Variants in CSMD2 observed in about 807,000 individuals in gnomAD.
The protein encoded by CSMD2 is CUB and Sushi multiple domains 2, also known as CUB and sushi domain-containing protein 2.
Under a neutral mutation model 398.5 loss-of-function variants are expected in CSMD2, and 130 were observed. The ratio of observed to expected loss-of-function variants is 0.33; its 90% CI spans 0.28 to 0.38. The LOEUF (loss-of-function observed/expected upper bound fraction) is 0.38. Among genes scored for constraint, CSMD2 ranks in the 10% least tolerant of loss-of-function variants. CSMD2 has a pLI of 1.00. For synonymous variants in CSMD2, 1,828 were observed against 1,908.5 expected (o/e 0.96, Z 1.10); for missense variants, 3,829 against 4,764.9 (o/e 0.80, Z 5.78).
At position 33,821,163 on chromosome 1, in the gene CSMD2, C is replaced by T. The variant is rs377073419; in HGVS notation, c.1112-607G>A. On this transcript the variant is annotated intron_variant, in intron 7 of 70. Transcript: ENST00000373381. ...TCACCAGAGCATCCCCTACCCAGTGCCACCCATCAAGGGCACCGGGCAGAG... is the reference window on the plus strand; with the variant it reads ...TCACCAGAGCATCCCCTACCCAGTGTCACCCATCAAGGGCACCGGGCAGAG... Among the ~76,000 whole-genome samples, 8 of 152,294 alleles carry T rather than the reference C, an allele frequency of 5.3e-5. No individual in the cohort carries two copies. In the South Asian group the frequency reaches 8.3e-4, roughly 16 times the overall value.
chr1:34,066,966 C>A (rs779820803), intron 2 of CSMD2, among the ~76,000 whole-genome samples: 2 of 152,078 alleles, frequency 1.3e-5, no homozygotes, highest in Admixed American at 1.3e-4. Context: ...GGGACAGGAT[C>A]GATGGTATTG....
intron 6 of CSMD2, among the ~76,000 whole-genome samples, chr1:33,830,769 T>C (rs551877690): frequency 1.3e-5 from 2 of 152,042 alleles, no homozygotes; most frequent in African/African-American, 2.4e-5. Flanking sequence ...TTGAAAAAAA[T>C]TTAGAAGAAT....
At position 34,165,022 on chromosome 1, in the gene CSMD2, AAATCCCGGTTTCGCCGCGAGC is replaced by A. The variant is rs1239029367; in HGVS notation, c.55_75del (p.Ala19_Ile25del). 1.7e-5 allele frequency: 21 copies of A among 1,210,492 alleles called. No individual in the cohort carries two copies. The highest frequency in any genetic ancestry group is 2.2e-5 in the Non-Finnish European group (21 of 974,578). 75.0% of individuals were successfully genotyped at this position (1,210,492 alleles called of 1,614,324 possible). Reference sequence around the variant, plus strand: ...CTCCCGGCGCCCGGCACAAGCGCCGAAATCCCGGTTTCGCCGCGAGCCCTCCCCGCGGGGCAGCCGCAGCGC... The same window carrying A: ...CTCCCGGCGCCCGGCACAAGCGCCGACCTCCCCGCGGGGCAGCCGCAGCGC... On this transcript the variant is annotated inframe_deletion, in exon 1 of 71. Transcript: ENST00000373381.
intron 5 of CSMD2, among the ~76,000 whole-genome samples, chr1:33,856,816 C>T (rs1402646841): frequency 6.6e-6 from 1 of 151,912 alleles, no homozygotes; most frequent in African/African-American, 2.4e-5. Context: ...TCTAATCCTG[C>T]CTTCATTGTC....
At chr1:34,076,235 T>C (rs575668415) in intron 2 of CSMD2, among the ~76,000 whole-genome samples, 35 of 152,328 alleles carry the variant, frequency 2.3e-4, no homozygotes, top group African/African-American at 7.7e-4. Flanking sequence ...CAGTGAGAAG[T>C]TCCCATTTTG....
chr1:33,785,403 A>C (rs1397058315), intron 12 of CSMD2, among the ~76,000 whole-genome samples: 1 of 152,256 alleles, frequency 6.6e-6, no homozygotes, highest in African/African-American at 2.4e-5. Flanking sequence ...GGGAAAATCC[A>C]TGGGCTTCTG....
intron 3 of CSMD2, among the ~76,000 whole-genome samples, chr1:33,983,811 C>T (rs769237372): frequency 3.9e-5 from 6 of 152,158 alleles, no homozygotes; most frequent in Admixed American, 2.0e-4. Flanking sequence ...TGAACATTAA[C>T]ATCTCAGGGC....
chr1:33,829,485 C>T (rs1659227943), intron 6 of CSMD2, among the ~76,000 whole-genome samples: 1 of 152,196 alleles, frequency 6.6e-6, no homozygotes, highest in Non-Finnish European at 1.5e-5. Context: ...CGGTGTGCTG[C>T]ACCCATTAAC....
At position 34,163,616 on chromosome 1, in the gene CSMD2, C is replaced by T. The variant is rs927941105; in HGVS notation, c.187+1295G>A. ...GGGAACTGGGGTGGTCCAGGCCAAG[C>T]CTTCAGAGGTTCAATCGGTGGTTTC... On this transcript the variant is annotated intron_variant, in intron 1 of 70. Transcript: ENST00000373381. The surrounding 1 kb of genome is among the most constrained non-coding windows in gnomAD (Gnocchi z 5.4). Among the ~76,000 whole-genome samples the T allele has an allele frequency of 6.6e-6, 1 of 152,150 alleles. No homozygotes were observed. The highest frequency in any genetic ancestry group is 2.1e-4 in the South Asian group (1 of 4,820).
intron 3 of CSMD2, among the ~76,000 whole-genome samples, chr1:33,941,858 CA>C (rs1157062961): frequency 6.6e-6 from 1 of 151,630 alleles, no homozygotes; most frequent in Non-Finnish European, 1.5e-5. Context: ...TATAATTATA[CA>C]TTTTATATAT....
intron 2 of CSMD2, among the ~76,000 whole-genome samples, chr1:34,062,486 CGAGCTGGCAGT>C: frequency 6.6e-6 from 1 of 152,232 alleles, no homozygotes; most frequent in South Asian, 2.1e-4. Flanking sequence ...GACATGCATT[CGAGCTGGCAGT>C]GAAGACAGGG....
At chr1:33,619,058 A>G (rs2148864503) in intron 37 of CSMD2, among the ~76,000 whole-genome samples, 1 of 152,320 alleles carries the variant, frequency 6.6e-6, no homozygotes, top group South Asian at 2.1e-4. Flanking sequence ...GCAGGAGTCC[A>G]TGTACAGGTG....
At chr1:33,905,252 G>A (rs945666804) in intron 5 of CSMD2, among the ~76,000 whole-genome samples, 1 of 152,178 alleles carries the variant, frequency 6.6e-6, no homozygotes, top group Non-Finnish European at 1.5e-5. Flanking sequence ...GAGAATAAAA[G>A]AGAGGAGAGT....
rs766150682 is a variant in CSMD2 at position 33,533,366 on chromosome 1, C to T, written c.9992-137G>A. ...CCTTTCATGCCAAGCATCCCCCTCC[C>T]TAATCCTCCACCCTAACCCAAGCTC... On this transcript the variant is annotated intron_variant, in intron 63 of 70. Transcript: ENST00000373381. The surrounding 1 kb of genome is among the most constrained non-coding windows in gnomAD (Gnocchi z 4.2). 21 of 785,290 alleles carry T rather than the reference C, an allele frequency of 2.7e-5. No homozygotes were observed. Among genetic ancestry groups the T allele is most frequent in the Middle Eastern group, 2.9e-4 (1 of 3,432 alleles). The allele number at this position is 785,290 out of a possible 1,614,324, so 48.6% of individuals were successfully genotyped here. A position where few individuals can be genotyped will look rare whatever the true frequency, so the allele number is the denominator to read the frequency against.
chr1:33,751,008 C>G (rs1322280643), intron 13 of CSMD2, among the ~76,000 whole-genome samples: 1 of 151,968 alleles, frequency 6.6e-6, no homozygotes, highest in Admixed American at 6.6e-5. Flanking sequence ...GTGCAAGTTA[C>G]TACATTTAAA....
intron 1 of CSMD2, among the ~76,000 whole-genome samples, chr1:34,131,555 G>A (rs1488726985): frequency 2.0e-5 from 3 of 152,112 alleles, no homozygotes; most frequent in Non-Finnish European, 4.4e-5. Flanking sequence ...CAGGGACCTA[G>A]CTTGAGGGGG....
At chr1:33,783,475 C>CTCTCTCTCTCTCTCTCTCTCTCTCTCT in intron 12 of CSMD2, among the ~76,000 whole-genome samples, 1 of 136,088 alleles carries the variant, frequency 7.3e-6, no homozygotes, top group African/African-American at 2.7e-5. Context: ...CTCTCTCTCT[C>CTCTCTCTCTCTCTCTCTCTCTCTCTCT]CTGTGTGTGC....
chr1:33,816,618 C>T (rs527838322), intron 9 of CSMD2, among the ~76,000 whole-genome samples: 1 of 152,328 alleles, frequency 6.6e-6, no homozygotes, highest in East Asian at 1.9e-4. Flanking sequence ...GTATCTGGGG[C>T]TGAACAGAAT....
At chr1:33,688,593 G>A (rs1043045194) in intron 25 of CSMD2, among the ~76,000 whole-genome samples, 1 of 152,210 alleles carries the variant, frequency 6.6e-6, no homozygotes, top group Non-Finnish European at 1.5e-5. Flanking sequence ...GGGAGGCTGA[G>A]GCAGGAGAAT....
Sources: gnomAD v4.1 joint callset for allele counts (sites outside exome capture counted in the v4.1 genomes callset) on GRCh38, gnomAD v4.1.1 for gene constraint, Gnocchi (gnomAD v3.1) non-coding constraint, MANE v1.5 for transcripts, NCBI Gene and HGNC (gene_info 2026-07-23, HGNC 2026-07-21) for gene names.